Variants in CACNG2 observed in about 807,000 individuals in gnomAD.
The protein encoded by CACNG2 is voltage-dependent calcium channel gamma-2 subunit.
Under a neutral mutation model 25.9 loss-of-function variants are expected in CACNG2, and 3 were observed. That is an observed-to-expected ratio of 0.12 (90% CI 0.05 to 0.30). The LOEUF is 0.30. Among genes scored for constraint, CACNG2 ranks in the 10% least tolerant of loss-of-function variants. The pLI is 1.00. For missense variants in CACNG2, 341 were observed against 432.5 expected (o/e 0.79, Z 1.88); for synonymous variants, 167 against 173.3 (o/e 0.96, Z 0.29).
At chr22:36,570,193 G>A (rs1167716623) in intron 2 of CACNG2, among the ~76,000 whole-genome samples, 1 of 152,220 alleles carries the variant, frequency 6.6e-6, no homozygotes, top group Non-Finnish European at 1.5e-5. Flanking sequence ...AGCGTCGGCT[G>A]CGGAGGGAGC....
At position 36,563,834 on chromosome 22, in the gene CACNG2, C is replaced by T. The variant is rs1420332427; in HGVS notation, c.*517G>A. 2 of 142,926 alleles carry T rather than the reference C, an allele frequency of 1.4e-5. No homozygotes were observed. Among genetic ancestry groups the T allele is most frequent in the African/African-American group, 5.3e-5 (2 of 37,954 alleles). 8.9% of individuals were successfully genotyped at this position (142,926 alleles called of 1,614,324 possible). ...GGTTAAAGGGAACAGAAAAGTAACT[C>T]TCCCCGAGTTAAAAAAAAAAAAAAA... On this transcript the variant is annotated 3_prime_UTR_variant, in exon 4 of 4. Coordinates refer to ENST00000300105, the MANE Select transcript of CACNG2 (RefSeq NM_006078.5).
intron 1 of CACNG2, among the ~76,000 whole-genome samples, chr22:36,692,178 A>G (rs1352675032): frequency 6.6e-6 from 1 of 152,130 alleles, no homozygotes; most frequent in African/African-American, 2.4e-5. Flanking sequence ...TGCATGATGG[A>G]GGGGGTGGCA....
At chr22:36,588,046 G>A (rs1281045015) in intron 1 of CACNG2, among the ~76,000 whole-genome samples, 1 of 152,200 alleles carries the variant, frequency 6.6e-6, no homozygotes, top group African/African-American at 2.4e-5. Context: ...CTGCAATTCC[G>A]CACGGAATTC....
intron 1 of CACNG2, among the ~76,000 whole-genome samples, chr22:36,614,910 G>A (rs1400404633): frequency 6.6e-6 from 1 of 152,204 alleles, no homozygotes; most frequent in Non-Finnish European, 1.5e-5. Flanking sequence ...TTCGGAGTCT[G>A]GGGGAAGAAT....
At chr22:36,614,444 C>T (rs1032682889) in intron 1 of CACNG2, among the ~76,000 whole-genome samples, 2 of 152,192 alleles carry the variant, frequency 1.3e-5, no homozygotes, top group Admixed American at 6.5e-5. Context: ...CATGGCACCC[C>T]GCACTCTTTG....
intron 1 of CACNG2, among the ~76,000 whole-genome samples, chr22:36,682,875 T>C (rs971817773): frequency 1.1e-4 from 17 of 152,360 alleles, no homozygotes; most frequent in African/African-American, 3.8e-4. Context: ...CACTTTCTTT[T>C]AATTGAAGGG....
At chr22:36,621,273 C>T (rs987072850) in intron 1 of CACNG2, among the ~76,000 whole-genome samples, 5 of 152,090 alleles carry the variant, frequency 3.3e-5, no homozygotes, top group South Asian at 2.1e-4. Flanking sequence ...TTTGGGAGGC[C>T]GAGGCGGGCG....
intron 1 of CACNG2, among the ~76,000 whole-genome samples, chr22:36,643,470 G>GTCTA (rs760588019): frequency 2.1e-5 from 3 of 139,888 alleles, no homozygotes; most frequent in Admixed American, 7.4e-5. Flanking sequence ...ACATCTATCT[G>GTCTA]TCTGTCTATC....
At chr22:36,613,386 G>C (rs1024007084) in intron 1 of CACNG2, among the ~76,000 whole-genome samples, 1 of 151,802 alleles carries the variant, frequency 6.6e-6, no homozygotes, top group Non-Finnish European at 1.5e-5. Context: ...TGTCCCTACA[G>C]TCAGCATCTA....
chr22:36,632,188 A>T (rs1177348812), intron 1 of CACNG2, among the ~76,000 whole-genome samples: 37 of 150,120 alleles, frequency 2.5e-4, no homozygotes, highest in African/African-American at 7.0e-4. Flanking sequence ...TTTTTTTTAA[A>T]AAAATGAGAA....
chr22:36,592,675 G>T (rs1383418772), intron 1 of CACNG2, among the ~76,000 whole-genome samples: 1 of 152,188 alleles, frequency 6.6e-6, no homozygotes, highest in African/African-American at 2.4e-5. Context: ...ATCTTTTGAT[G>T]ATGAGGCTGT....
intron 2 of CACNG2, among the ~76,000 whole-genome samples, chr22:36,567,883 CCT>C (rs1459405939): frequency 5.9e-5 from 9 of 151,944 alleles, no homozygotes; most frequent in African/African-American, 2.2e-4. Context: ...GGAGTCTTCC[CCT>C]GTCACCCAGG....
At chr22:36,603,347 G>C (rs540889201) in intron 1 of CACNG2, among the ~76,000 whole-genome samples, 1 of 152,326 alleles carries the variant, frequency 6.6e-6, no homozygotes, top group African/African-American at 2.4e-5. Context: ...GAAAGAAGCT[G>C]TCTCCATAAC....
chr22:36,577,574 G>A (rs535646507), intron 2 of CACNG2, among the ~76,000 whole-genome samples: 17 of 151,476 alleles, frequency 1.1e-4, no homozygotes, highest in African/African-American at 3.4e-4. Context: ...CGCTTGAACC[G>A]GGGAGGCGGA....
intron 1 of CACNG2, among the ~76,000 whole-genome samples, chr22:36,645,350 A>C (rs1242067180): frequency 6.6e-6 from 1 of 151,998 alleles, no homozygotes; most frequent in Non-Finnish European, 1.5e-5. Context: ...ATCCTGACTA[A>C]CACAGTGAAA....
intron 2 of CACNG2, among the ~76,000 whole-genome samples, chr22:36,582,047 A>C (rs962986202): frequency 1.2e-4 from 18 of 152,294 alleles, no homozygotes; most frequent in African/African-American, 4.3e-4. Context: ...TATTTTCAAC[A>C]TTGATCCTAT....
chr22:36,630,591 C>T (rs908507184), intron 1 of CACNG2, among the ~76,000 whole-genome samples: 12 of 152,034 alleles, frequency 7.9e-5, no homozygotes, highest in Non-Finnish European at 1.8e-4. Flanking sequence ...ACCCTGTTGG[C>T]CCTGAGAGAG....
At chr22:36,672,540 T>C (rs1434401133) in intron 1 of CACNG2, among the ~76,000 whole-genome samples, 1 of 152,142 alleles carries the variant, frequency 6.6e-6, no homozygotes, top group Non-Finnish European at 1.5e-5. Context: ...AATGAGGCTT[T>C]TGCTGAGAAC....
At chr22:36,663,852 C>T (rs1263286544) in intron 1 of CACNG2, among the ~76,000 whole-genome samples, 4 of 152,278 alleles carry the variant, frequency 2.6e-5, no homozygotes, top group Admixed American at 6.5e-5. Context: ...ACACAGGCCT[C>T]GATCACATGG....
Sources: gnomAD v4.1 joint callset for allele counts (sites outside exome capture counted in the v4.1 genomes callset) on GRCh38, gnomAD v4.1.1 for gene constraint, MANE v1.5 for transcripts, NCBI Gene and HGNC (gene_info 2026-07-23, HGNC 2026-07-21) for gene names.